The following DLG2 variants were observed in gnomAD, a reference collection of about 807,000 sequenced individuals.
DLG2 encodes the protein disks large homolog 2.
A neutral mutation model predicts 132.5 loss-of-function variants in DLG2; 45 were observed. The observed-to-expected ratio is 0.34, with a 90% CI of 0.27 to 0.44. The LOEUF (loss-of-function observed/expected upper bound fraction) is 0.44. Among genes scored for constraint, DLG2 ranks in the 20% least tolerant of loss-of-function variants. The probability of loss-of-function intolerance (pLI) is 1.00; values close to 1 mark genes in which losing one functional copy is unlikely to be tolerated. For missense variants in DLG2, 1,045 were observed against 1,196.9 expected, an observed-to-expected ratio of 0.87 and a Z score of 1.87; for synonymous variants, 424 against 419.6, an observed-to-expected ratio of 1.01 and a Z score of -0.13.
chr11:83,758,178 T>C (rs1215126332), intron 18 of DLG2, among the ~76,000 whole-genome samples: 1 of 152,228 alleles, frequency 6.6e-6, no homozygotes, highest in Non-Finnish European at 1.5e-5. Context: ...AACAACTCTG[T>C]GTGCCTCTGC....
At chr11:84,857,708 C>T (rs915241881) in intron 6 of DLG2, among the ~76,000 whole-genome samples, 2 of 152,008 alleles carry the variant, frequency 1.3e-5, no homozygotes, top group Non-Finnish European at 2.9e-5. Flanking sequence ...CAGAATTATA[C>T]TCATCTCAAC....
At chr11:85,338,448 G>C (rs1331513505) in intron 3 of DLG2, among the ~76,000 whole-genome samples, 1 of 152,050 alleles carries the variant, frequency 6.6e-6, no homozygotes, top group East Asian at 1.9e-4. Flanking sequence ...AGTGTGGTTA[G>C]GTCATCCATC....
chr11:84,436,779 A>G (rs568028416), intron 7 of DLG2, among the ~76,000 whole-genome samples: 131 of 152,318 alleles, frequency 8.6e-4, no homozygotes, highest in Non-Finnish European at 1.4e-3. Flanking sequence ...TGCTGAATAC[A>G]AGAAATGCAA....
chr11:84,789,905 GTGTCAGGATC>G (rs1446558977), intron 6 of DLG2, among the ~76,000 whole-genome samples: 1 of 152,104 alleles, frequency 6.6e-6, no homozygotes, highest in African/African-American at 2.4e-5. Context: ...GTTATTTGAA[GTGTCAGGATC>G]TCATTCCTTT....
intron 6 of DLG2, among the ~76,000 whole-genome samples, chr11:84,729,103 C>G (rs2062847754): frequency 6.6e-6 from 1 of 152,028 alleles, no homozygotes; most frequent in Non-Finnish European, 1.5e-5. Flanking sequence ...CTGCTCTGAT[C>G]TTAGTTATTT....
intron 6 of DLG2, among the ~76,000 whole-genome samples, chr11:84,979,077 T>C (rs571358732): frequency 6.6e-5 from 10 of 152,174 alleles, no homozygotes; most frequent in South Asian, 4.1e-4. Flanking sequence ...CATCACTGGG[T>C]ATCAGAGAAA....
At chr11:85,390,475 A>G (rs2086705046) in intron 3 of DLG2, among the ~76,000 whole-genome samples, 1 of 152,140 alleles carries the variant, frequency 6.6e-6, no homozygotes, top group African/African-American at 2.4e-5. Context: ...GAAAGAGTGG[A>G]CTTAAAGTAT....
chr11:84,152,146 T>C (rs1172632950), intron 9 of DLG2, among the ~76,000 whole-genome samples: 1 of 152,170 alleles, frequency 6.6e-6, no homozygotes, highest in African/African-American at 2.4e-5. Context: ...CAGTAGAATG[T>C]TGAAGTCTCC....
chr11:83,486,350 G>GC (rs916256370), intron 21 of DLG2: 1 of 533,412 alleles, frequency 1.9e-6, no homozygotes, highest in African/African-American at 2.1e-5. Context: ...GACTTGTCAT[G>GC]CAAAAAAAAA....
At chr11:83,467,765 C>G (rs55698416) in intron 25 of DLG2, among the ~76,000 whole-genome samples, 67,087 of 98,462 alleles carry the variant, frequency 0.68, 20,406 homozygotes, top group African/African-American at 0.74. Context: ...AAAATAAAAA[C>G]TATATGTATA....
At chr11:85,484,571 C>T (rs1342982615) in intron 3 of DLG2, among the ~76,000 whole-genome samples, 1 of 151,804 alleles carries the variant, frequency 6.6e-6, no homozygotes, top group African/African-American at 2.4e-5. Flanking sequence ...CAAAAGAAGA[C>T]ATTTATGCAG....
At chr11:84,367,620 T>C (rs570682576) in intron 7 of DLG2, among the ~76,000 whole-genome samples, 3 of 152,142 alleles carry the variant, frequency 2.0e-5, no homozygotes, top group East Asian at 1.9e-4. Flanking sequence ...AGTGAAGTAA[T>C]GGGTTATCAT....
chr11:83,926,792 G>C (rs1015947287), intron 15 of DLG2, among the ~76,000 whole-genome samples: 1 of 152,086 alleles, frequency 6.6e-6, no homozygotes, highest in Non-Finnish European at 1.5e-5. Flanking sequence ...ACAGAGAACA[G>C]CACACAGGTG....
At chr11:85,282,876 T>C (rs533708597) in intron 4 of DLG2, among the ~76,000 whole-genome samples, 83 of 151,930 alleles carry the variant, frequency 5.5e-4, no homozygotes, top group African/African-American at 1.8e-3. Context: ...GAAAATGTGA[T>C]ACATATATAC....
intron 7 of DLG2, among the ~76,000 whole-genome samples, chr11:84,282,160 G>A (rs1171760102): frequency 6.6e-6 from 1 of 152,128 alleles, no homozygotes; most frequent in African/African-American, 2.4e-5. Flanking sequence ...GCATGCAACA[G>A]AATAGTGTTC....
intron 7 of DLG2, among the ~76,000 whole-genome samples, chr11:84,408,625 T>C (rs1456608173): frequency 6.6e-6 from 1 of 152,172 alleles, no homozygotes; most frequent in African/African-American, 2.4e-5. Context: ...AATGAAATTA[T>C]TGCAGAAGTG....
At chr11:84,013,957 G>A (rs2095035792) in intron 11 of DLG2, among the ~76,000 whole-genome samples, 1 of 151,556 alleles carries the variant, frequency 6.6e-6, no homozygotes. Flanking sequence ...ACTGGACCTG[G>A]AGATGCTAAC....
In DLG2 at chr11:84,609,661, C is replaced by A. The variant is rs532090554; in HGVS notation, c.358-74930G>T. Among the ~76,000 whole-genome samples, 8 of 152,124 alleles carry A rather than the reference C, an allele frequency of 5.3e-5. No individual in the cohort carries two copies. In the South Asian group the frequency reaches 1.5e-3, roughly 28 times the overall value. ...ATGTATAAAAATTGGAAAATGAAAC[C>A]TTTGATTACTGATAATTTGGTAATC... On this transcript the variant is annotated intron_variant, in intron 6 of 27. Transcript: ENST00000376104.
chr11:84,037,936 C>T (rs1304714495), intron 11 of DLG2, among the ~76,000 whole-genome samples: 4 of 151,986 alleles, frequency 2.6e-5, no homozygotes, highest in Admixed American at 2.6e-4. Context: ...CTTTGCTCAC[C>T]TTTCCATTTT....
Sources: gnomAD v4.1 joint callset for allele counts (sites outside exome capture counted in the v4.1 genomes callset) on GRCh38, gnomAD v4.1.1 for gene constraint, MANE v1.5 for transcripts, NCBI Gene and HGNC (gene_info 2026-07-23, HGNC 2026-07-21) for gene names.